The following DNAH6 variants were observed in gnomAD, a reference collection of about 807,000 sequenced individuals.
The protein encoded by DNAH6 is dynein axonemal heavy chain 6.
DNAH6 carries 340 observed loss-of-function variants against 491.4 expected under a neutral mutation model. The ratio of observed to expected loss-of-function variants is 0.69; its 90% CI spans 0.63 to 0.76. The LOEUF (loss-of-function observed/expected upper bound fraction) is 0.76, where lower values mean the gene tolerates loss of function less well. DNAH6 is among the 30% of genes least tolerant of loss of function. The pLI is 0.00. For missense variants in DNAH6, 4,443 were observed against 4,972.2 expected, an observed-to-expected ratio of 0.89 and a Z score of 3.20; for synonymous variants, 1,603 against 1,686.1, an observed-to-expected ratio of 0.95 and a Z score of 1.21.
intron 17 of DNAH6, 58 bp from the exon 18 acceptor site, chr2:84,595,588 A>G: frequency 6.9e-7 from 1 of 1,444,430 alleles, no homozygotes. Flanking sequence ...TAGTATTTCA[A>G]ACCTGACTTT....
At chr2:84,476,760 G>A in the DNAH6 span, among the ~76,000 whole-genome samples, 1 of 152,104 alleles carries the variant, frequency 6.6e-6, no homozygotes, top group African/African-American at 2.4e-5. Flanking sequence ...TGAACCATGG[G>A]CAAAACTGCT....
chr2:84,704,569 G>A (rs17025501), intron 51 of DNAH6, among the ~76,000 whole-genome samples: 4,180 of 152,278 alleles, frequency 0.027, 206 homozygotes, highest in African/African-American at 0.096. Flanking sequence ...TGAGAGTTGT[G>A]TAGTATTGGG....
At chr2:84,770,025 T>C (rs768913546) in intron 64 of DNAH6, among the ~76,000 whole-genome samples, 26 of 152,168 alleles carry the variant, frequency 1.7e-4, no homozygotes, top group Non-Finnish European at 3.1e-4. Flanking sequence ...AGCTGAGTGT[T>C]GAAGTCATAC....
chr2:84,818,082 C>T (rs1048995117), intron 76 of DNAH6, among the ~76,000 whole-genome samples: 1 of 152,150 alleles, frequency 6.6e-6, no homozygotes, highest in Non-Finnish European at 1.5e-5. Flanking sequence ...GACCAACAAA[C>T]TAACATTATC....
At chr2:84,753,755 TAAAAA>T (rs1162541312) in intron 63 of DNAH6, among the ~76,000 whole-genome samples, 4,002 of 77,158 alleles carry the variant, frequency 0.052, 124 homozygotes, top group Non-Finnish European at 0.07. Flanking sequence ...GAAACTCTGT[TAAAAA>T]AAAAAAAAAA....
chr2:84,709,447 G>A lies in DNAH6; in HGVS notation c.9153G>A (p.Trp3051Ter). 3 of 1,551,674 alleles carry A rather than the reference G, an allele frequency of 1.9e-6. No individual in the cohort carries two copies. Among genetic ancestry groups the A allele is most frequent in the Non-Finnish European group, 2.6e-6 (3 of 1,147,012 alleles). Residue 3051 changes from tryptophan to a stop codon, truncating the protein, a stop_gained, in exon 55 of 77, where the codon TGG becomes TGA. Coordinates refer to ENST00000389394, the MANE Select transcript of DNAH6 (RefSeq NM_001370.2). LOFTEE classifies it high-confidence loss of function. ...ILGDPYEIRQ[W>*]NTDGLPRDLI... is the part of the protein sequence containing the mutation. ...GAGATCCCTACGAGATACGGCAGTGGAACACTGATGGGCTGCCCCGTGACT... is the reference window on the plus strand; with the variant it reads ...GAGATCCCTACGAGATACGGCAGTGAAACACTGATGGGCTGCCCCGTGACT...
chr2:84,464,791 A>G, the DNAH6 span, among the ~76,000 whole-genome samples: 1 of 152,014 alleles, frequency 6.6e-6, no homozygotes, highest in Non-Finnish European at 1.5e-5. Flanking sequence ...CTTTACTGCA[A>G]ACTGTTTGAT....
the DNAH6 span, among the ~76,000 whole-genome samples, chr2:84,509,309 A>C: frequency 1.3e-5 from 2 of 152,172 alleles, no homozygotes. Context: ...TTCTTGTTGA[A>C]TTGATCCCTT....
At chr2:84,565,342 A>G (rs1442987329) in intron 11 of DNAH6, among the ~76,000 whole-genome samples, 5 of 147,406 alleles carry the variant, frequency 3.4e-5, no homozygotes, top group African/African-American at 1.0e-4. Context: ...TTTTTTTTGT[A>G]GTTTTTTTAT....
Position 84,677,032 on chromosome 2 carries a change from C to T in DNAH6, c.6640C>T (p.Pro2214Ser). ...TGTAACAATCATATCGGCATGTGCA[C>T]CTCCAGGCGGTGGCCGCAACCCTGT... ...QDVTIISACA[P>S]PGGGRNPVTP... Residue 2214 changes from proline (P) to serine (S), a missense_variant, in exon 41 of 77, where the codon CCT (proline) becomes TCT (serine). Pro to Ser is a moderately conservative substitution (Grantham distance 74). Transcript: ENST00000389394. 6.4e-7 allele frequency: 1 copy of T among 1,551,768 alleles called. No homozygotes were observed. Among genetic ancestry groups the T allele is most frequent in the Non-Finnish European group, 8.7e-7 (1 of 1,146,980 alleles).
At chr2:84,578,342 G>C (rs534882331) in intron 13 of DNAH6, among the ~76,000 whole-genome samples, 1 of 152,190 alleles carries the variant, frequency 6.6e-6, no homozygotes, top group East Asian at 1.9e-4. Flanking sequence ...GCACTTTTTA[G>C]CTACTGTATG....
intron 71 of DNAH6, among the ~76,000 whole-genome samples, chr2:84,807,958 G>A (rs1347062355): frequency 6.6e-6 from 1 of 152,036 alleles, no homozygotes; most frequent in Non-Finnish European, 1.5e-5. Context: ...CATTAGCACA[G>A]CCAGTCTTTC....
the DNAH6 span, among the ~76,000 whole-genome samples, chr2:84,478,442 C>G: frequency 1.3e-5 from 2 of 152,176 alleles, no homozygotes; most frequent in Non-Finnish European, 2.9e-5. Flanking sequence ...ACAGGGCCCT[C>G]TTGGAATCCA....
intron 14 of DNAH6, among the ~76,000 whole-genome samples, chr2:84,582,477 A>G (rs1371121183): frequency 2.0e-5 from 3 of 152,126 alleles, no homozygotes; most frequent in Non-Finnish European, 4.4e-5. Flanking sequence ...TTTGAGACGG[A>G]GTCTCGCTCT....
chr2:84,478,382 A>C, the DNAH6 span, among the ~76,000 whole-genome samples: 1 of 152,196 alleles, frequency 6.6e-6, no homozygotes, highest in East Asian at 1.9e-4. Context: ...GCTTGTTGGG[A>C]GGTTGCCTTT....
At chr2:84,580,890 A>G (rs1682957790) in intron 14 of DNAH6, among the ~76,000 whole-genome samples, 1 of 152,124 alleles carries the variant, frequency 6.6e-6, no homozygotes, top group Non-Finnish European at 1.5e-5. Flanking sequence ...AGAATGGGAC[A>G]GCTGTAGGAC....
At chr2:84,565,281 C>G (rs1274962118) in intron 11 of DNAH6, among the ~76,000 whole-genome samples, 5 of 150,428 alleles carry the variant, frequency 3.3e-5, no homozygotes, top group Admixed American at 2.0e-4. Context: ...GGTACCAGCT[C>G]TTTGTATATC....
intron 11 of DNAH6, among the ~76,000 whole-genome samples, chr2:84,565,977 A>T (rs566425027): frequency 6.6e-6 from 1 of 151,910 alleles, no homozygotes; most frequent in Admixed American, 6.6e-5. Flanking sequence ...TTTTGAGCCT[A>T]TGGGTGTTGT....
chr2:84,481,969 C>T, the DNAH6 span, among the ~76,000 whole-genome samples: 1 of 152,200 alleles, frequency 6.6e-6, no homozygotes, highest in Non-Finnish European at 1.5e-5. Flanking sequence ...TGCCCCTACA[C>T]ATTCCTCTAA....
Sources: gnomAD v4.1 joint callset for allele counts (sites outside exome capture counted in the v4.1 genomes callset) on GRCh38, gnomAD v4.1.1 for gene constraint, MANE v1.5 for transcripts, NCBI Gene and HGNC (gene_info 2026-07-23, HGNC 2026-07-21) for gene names.